Variants in TXNDC5 observed in about 807,000 individuals in gnomAD.
TXNDC5 encodes thioredoxin domain containing 5, also known as thioredoxin domain-containing protein 5.
In TXNDC5, 44 loss-of-function variants were observed where a neutral mutation model predicts 52.6. That is an observed-to-expected ratio of 0.84 (90% CI 0.66 to 1.08). The LOEUF (loss-of-function observed/expected upper bound fraction) is 1.08, where lower values mean the gene tolerates loss of function less well. Ranked by LOEUF, TXNDC5 falls within the 50% of genes least tolerant of loss-of-function variation. TXNDC5 has a pLI of 0.00. For synonymous variants in TXNDC5, 241 were observed against 234.4 expected (o/e 1.03, Z -0.26); for missense variants, 600 against 565.5 (o/e 1.06, Z -0.62).
At chr6:7,887,956 T>C (rs1760057431) in intron 7 of TXNDC5, among the ~76,000 whole-genome samples, 1 of 152,134 alleles carries the variant, frequency 6.6e-6, no homozygotes, top group Non-Finnish European at 1.5e-5. Context: ...TTCTTGCCCA[T>C]TTGCCCCCAC....
chr6:7,894,528 A>G (rs1054009142), intron 4 of TXNDC5, among the ~76,000 whole-genome samples: 4 of 152,246 alleles, frequency 2.6e-5, no homozygotes, highest in African/African-American at 9.6e-5. Flanking sequence ...AATAAAGATA[A>G]TATCACAATA....
intron 8 of TXNDC5, 98 bp from the exon 9 acceptor site, chr6:7,884,586 C>G: frequency 2.0e-6 from 3 of 1,537,156 alleles, no homozygotes; most frequent in Non-Finnish European, 2.7e-6. Flanking sequence ...CTGTATGGGA[C>G]AGTCAACAAT....
intron 1 of TXNDC5, among the ~76,000 whole-genome samples, chr6:7,906,671 T>C (rs183911069): frequency 2.1e-5 from 3 of 140,958 alleles, no homozygotes; most frequent in African/African-American, 5.7e-5. Context: ...GATACTCAGA[T>C]ACAAAAAAAA....
At chr6:7,899,917 A>C in intron 2 of TXNDC5, 1 of 362,610 alleles carries the variant, frequency 2.8e-6, no homozygotes, top group Non-Finnish European at 5.0e-6. Context: ...ATGAGGTGAA[A>C]ACTTCCAGCC....
intron 1 of TXNDC5, among the ~76,000 whole-genome samples, chr6:7,906,548 AAAAAAAAAAG>A (rs1343427804): frequency 3.3e-5 from 5 of 150,246 alleles, no homozygotes; most frequent in Admixed American, 6.6e-5. Context: ...AAAAAAAAAA[AAAAAAAAAAG>A]AAAAACAGAC....
At chr6:7,902,915 G>A (rs1456572295) in intron 2 of TXNDC5, among the ~76,000 whole-genome samples, 2 of 152,184 alleles carry the variant, frequency 1.3e-5, no homozygotes, top group African/African-American at 4.8e-5. Context: ...CAACTATGGA[G>A]TAGCTGATAT....
chr6:7,910,677 A>T lies in TXNDC5; in HGVS notation c.100T>A (p.Trp34Arg). 1 of 1,078,808 alleles carries T rather than the reference A, an allele frequency of 9.3e-7. No homozygotes were observed. 66.8% of individuals were successfully genotyped at this position (1,078,808 alleles called of 1,614,324 possible). A position where few individuals can be genotyped will look rare whatever the true frequency, so the allele number is the denominator to read the frequency against. ...LLLGHGGGGRWGARAQEAAAA... is the reference protein window; with the variant it reads ...LLLGHGGGGRRGARAQEAAAA... The stretch of plus-strand genomic sequence containing the variant: ...GCCGCCTCCTGGGCCCGGGCGCCCC[A>T]GCGCCCGCCGCCGCCATGGCCCAGC... Residue 34 changes from tryptophan to arginine, a missense_variant, in exon 1 of 10, where the codon TGG (tryptophan) becomes AGG (arginine). By Grantham distance (101) the Trp-to-Arg change is moderately radical. Transcript: ENST00000379757.
Position 7,904,632 on chromosome 6 carries a change from C to T in TXNDC5, c.355G>A (p.Val119Met). The change falls in exon 2 of 10, where the codon GTG (valine) becomes ATG (methionine). Residue 119 changes from valine (V) to methionine (M), a missense_variant. By Grantham distance (21) the Val-to-Met change is conservative. Transcript: ENST00000379757. Reference protein sequence around the residue: ...MEDAKVYVAKVDCTAHSDVCS... With the variant: ...MEDAKVYVAKMDCTAHSDVCS... ...ACGTCGGAGTGGGCCGTGCAGTCCA[C>T]TTTAGCCACATAGACTTTGGCATCT... 1.2e-6 allele frequency: 2 copies of T among 1,614,246 alleles called. No individual in the cohort carries two copies. Among genetic ancestry groups the T allele is most frequent in the Non-Finnish European group, 1.7e-6 (2 of 1,180,058 alleles).
intron 8 of TXNDC5, among the ~76,000 whole-genome samples, chr6:7,885,435 CAATCCA>C (rs1759931723): frequency 6.6e-6 from 1 of 152,218 alleles, no homozygotes; most frequent in Non-Finnish European, 1.5e-5. Flanking sequence ...ACACTACCTG[CAATCCA>C]TTTCTGCTCT....
In TXNDC5 at chr6:7,883,076, C is replaced by T; in HGVS notation, c.*68G>A. 1.2e-6 allele frequency: 2 copies of T among 1,607,452 alleles called. No individual in the cohort carries two copies. The highest frequency in any genetic ancestry group is 1.7e-6 in the Non-Finnish European group (2 of 1,175,630). On this transcript the variant is annotated 3_prime_UTR_variant, in exon 10 of 10. Transcript: ENST00000379757. The stretch of plus-strand genomic sequence containing the variant: ...GCCACCACTGGGAACCCAGTGGCCT[C>T]TGTGGGACTGAACTCCTAAACGCAG...
chr6:7,889,762 T>TGA (rs535619299), intron 5 of TXNDC5, among the ~76,000 whole-genome samples, 181 bp from the exon 6 acceptor site: 139 of 152,344 alleles, frequency 9.1e-4, no homozygotes, highest in African/African-American at 3.3e-3. Flanking sequence ...AAAACATACC[T>TGA]GAGCTAAAAG....
At chr6:7,883,355 GT>G (rs1206216130) in intron 9 of TXNDC5, 89 bp from the exon 10 acceptor site, 2 of 1,575,630 alleles carry the variant, frequency 1.3e-6, no homozygotes, top group Admixed American at 3.5e-5. Context: ...CACTCCTACC[GT>G]TGTGGCTGGA....
At position 7,882,965 on chromosome 6, in the gene TXNDC5, A is replaced by G. The variant is rs1759819132; in HGVS notation, c.*179T>C. ...ACATTTACTTAGAGAAACTTAACTTAATAAAGAATCTGTAGAGTGTGTTGG... is the reference window on the plus strand; with the variant it reads ...ACATTTACTTAGAGAAACTTAACTTGATAAAGAATCTGTAGAGTGTGTTGG... On this transcript the variant is annotated 3_prime_UTR_variant, in exon 10 of 10. Coordinates refer to ENST00000379757, the MANE Select transcript of TXNDC5 (RefSeq NM_030810.5). The G allele has an allele frequency of 1.4e-6, 1 of 738,984 alleles. No individual in the cohort carries two copies. Among genetic ancestry groups the G allele is most frequent in the African/African-American group, 1.8e-5 (1 of 56,610 alleles). The allele number at this position is 738,984 out of a possible 1,614,324, so 45.8% of individuals were successfully genotyped here.
chr6:7,900,519 G>T (rs943510662), intron 2 of TXNDC5, among the ~76,000 whole-genome samples: 6 of 152,216 alleles, frequency 3.9e-5, no homozygotes, highest in Non-Finnish European at 8.8e-5. Flanking sequence ...TCTACAGCGC[G>T]TATGTGGATT....
At chr6:7,908,139 T>C (rs1248986599) in intron 1 of TXNDC5, among the ~76,000 whole-genome samples, 1 of 151,892 alleles carries the variant, frequency 6.6e-6, no homozygotes, top group East Asian at 1.9e-4. Context: ...AAAAATTAGC[T>C]GGGCGTGGTG....
At position 7,895,109 on chromosome 6, in the gene TXNDC5, G is replaced by C. The variant is rs1760319255; in HGVS notation, c.613C>G (p.Gln205Glu). The C allele has an allele frequency of 1.2e-6, 2 of 1,613,516 alleles. No homozygotes were observed. Among genetic ancestry groups the C allele is most frequent in the Non-Finnish European group, 1.7e-6 (2 of 1,179,808 alleles). Residue 205 changes from glutamine to glutamate, a missense_variant, in exon 4 of 10, where the codon CAA becomes GAA. Transcript: ENST00000379757. ...SASNFELHVA[Q>E]GDHFIKFFAP... ...GGCATCAGGACGTCCCCCTTACCTT[G>C]TGCAACGTGCAGCTCAAAGTTGCTT...
chr6:7,909,961 G>C, intron 1 of TXNDC5: 5 of 986,100 alleles, frequency 5.1e-6, no homozygotes, highest in Non-Finnish European at 4.8e-6. Context: ...GCCGGCACAG[G>C]AAGTTTGGGG....
chr6:7,884,966 T>G (rs1039285926), intron 8 of TXNDC5, among the ~76,000 whole-genome samples: 18 of 152,204 alleles, frequency 1.2e-4, no homozygotes, highest in Admixed American at 2.0e-4. Context: ...AGGCCATGAT[T>G]AAGTTTGGTT....
rs1289854762 is a variant in TXNDC5, at chr6:7,884,413, G to C, written c.1122C>G (p.Val374=). ...CAGTGCAGTCTACTTCGGCGATCTT[G>C]ACCCCCGCCAGACCAGGGAATTCCT... ...SKKEFPGLAG[V]KIAEVDCTAE... Residue 374 remains valine, a synonymous_variant, in exon 9 of 10, where the codon GTC becomes GTG. Coordinates refer to ENST00000379757, the MANE Select transcript of TXNDC5 (RefSeq NM_030810.5). 1 of 1,614,024 alleles carries C rather than the reference G, an allele frequency of 6.2e-7. No homozygotes were observed. Among genetic ancestry groups the C allele is most frequent in the Non-Finnish European group, 8.5e-7 (1 of 1,180,028 alleles).
Sources: gnomAD v4.1 joint callset for allele counts (sites outside exome capture counted in the v4.1 genomes callset) on GRCh38, gnomAD v4.1.1 for gene constraint, MANE v1.5 for transcripts, NCBI Gene and HGNC (gene_info 2026-07-23, HGNC 2026-07-21) for gene names.